Variants in ABCC4 observed in about 807,000 individuals in gnomAD.
ABCC4 encodes ATP binding cassette subfamily C member 4 (PEL blood group), also known as ATP-binding cassette sub-family C member 4.
Under a neutral mutation model 168.5 loss-of-function variants are expected in ABCC4, and 102 were observed. The ratio of observed to expected loss-of-function variants is 0.61; its 90% confidence interval spans 0.52 to 0.71. The LOEUF (loss-of-function observed/expected upper bound fraction) is 0.71, where lower values mean the gene tolerates loss of function less well. Among genes scored for constraint, ABCC4 ranks in the 30% least tolerant of loss-of-function variants. The pLI is 0.00. For synonymous variants in ABCC4, 617 were observed against 590.7 expected, an observed-to-expected ratio of 1.04 and a Z score of -0.65; for missense variants, 1,402 against 1,605.8, an observed-to-expected ratio of 0.87 and a Z score of 2.17.
chr13:95,023,436 G>A (rs935397543), intron 30 of ABCC4, among the ~76,000 whole-genome samples: 1 of 152,172 alleles, frequency 6.6e-6, no homozygotes. Flanking sequence ...GATGAAGGGA[G>A]TTGAGATTAC....
chr13:95,146,751 G>A (rs563781344), intron 19 of ABCC4, among the ~76,000 whole-genome samples: 13 of 152,260 alleles, frequency 8.5e-5, no homozygotes, highest in Middle Eastern at 6.8e-3. Context: ...ACAAGACAAC[G>A]GAAGTGACAG....
intron 19 of ABCC4, among the ~76,000 whole-genome samples, chr13:95,126,720 AATATATATATATAT>A (rs71111594): frequency 5.3e-4 from 43 of 81,654 alleles, no homozygotes; most frequent in African/African-American, 7.5e-4. Flanking sequence ...CTTTTTTTGG[AATATATATATATAT>A]ATATATATAT....
chr13:95,254,580 G>C (rs1048350595), intron 1 of ABCC4, among the ~76,000 whole-genome samples: 1 of 152,080 alleles, frequency 6.6e-6, no homozygotes, highest in African/African-American at 2.4e-5. Context: ...CTTTCCCCTT[G>C]CCCAGATTTT....
At chr13:95,179,710 A>G (rs2037827392) in intron 11 of ABCC4, among the ~76,000 whole-genome samples, 1 of 152,184 alleles carries the variant, frequency 6.6e-6, no homozygotes, top group African/African-American at 2.4e-5. Context: ...GCATCAACCT[A>G]GGACACTACA....
At chr13:95,270,503 G>T (rs548248816) in intron 1 of ABCC4, among the ~76,000 whole-genome samples, 9 of 152,218 alleles carry the variant, frequency 5.9e-5, no homozygotes, top group Admixed American at 3.3e-4. Context: ...CTGGCACAGG[G>T]TTTGACTTTA....
intron 20 of ABCC4, among the ~76,000 whole-genome samples, chr13:95,090,481 C>T (rs571443884): frequency 3.3e-5 from 5 of 152,220 alleles, no homozygotes; most frequent in South Asian, 2.1e-4. Flanking sequence ...CAGTGCCAAC[C>T]GGGAACCAGG....
At chr13:95,105,514 CCTTAA>C (rs2139384797) in intron 20 of ABCC4, among the ~76,000 whole-genome samples, 1 of 152,292 alleles carries the variant, frequency 6.6e-6, no homozygotes, top group Admixed American at 6.5e-5. Flanking sequence ...GAAGTTAATA[CCTTAA>C]CTTTCAGTTT....
chr13:95,093,970 C>T (rs756824362), intron 20 of ABCC4, among the ~76,000 whole-genome samples: 16 of 151,882 alleles, frequency 1.1e-4, no homozygotes, highest in Non-Finnish European at 1.9e-4. Flanking sequence ...TATACCTAAC[C>T]AAGGAATCAA....
chr13:95,157,032 C>T (rs2036883848), intron 19 of ABCC4, among the ~76,000 whole-genome samples: 1 of 151,522 alleles, frequency 6.6e-6, no homozygotes, highest in African/African-American at 2.4e-5. Context: ...CCGGAGGTTG[C>T]TGTGAGCTGA....
At chr13:95,270,318 A>C (rs1395920375) in intron 1 of ABCC4, among the ~76,000 whole-genome samples, 3 of 150,260 alleles carry the variant, frequency 2.0e-5, no homozygotes, top group Non-Finnish European at 3.0e-5. Context: ...AGAAAAGTAA[A>C]TATTCCACAT....
At chr13:95,187,461 C>T (rs1201498411) in intron 10 of ABCC4, among the ~76,000 whole-genome samples, 1 of 151,672 alleles carries the variant, frequency 6.6e-6, no homozygotes, top group African/African-American at 2.4e-5. Context: ...AAACATTAGC[C>T]GGGCATGGTG....
intron 13 of ABCC4, among the ~76,000 whole-genome samples, chr13:95,175,045 T>C (rs2037620488): frequency 6.6e-6 from 1 of 152,104 alleles, no homozygotes; most frequent in Admixed American, 6.6e-5. Flanking sequence ...CACTTCATCA[T>C]CCCATACCAG....
At chr13:95,124,643 G>A (rs1045324604) in intron 19 of ABCC4, among the ~76,000 whole-genome samples, 7 of 148,994 alleles carry the variant, frequency 4.7e-5, no homozygotes, top group African/African-American at 1.7e-4. Context: ...CAGAGGTGGG[G>A]GGATCACCTG....
At chr13:95,133,390 A>T (rs567956763) in intron 19 of ABCC4, among the ~76,000 whole-genome samples, 56 of 152,210 alleles carry the variant, frequency 3.7e-4, no homozygotes, top group African/African-American at 1.2e-3. Flanking sequence ...GTGGGATTAC[A>T]GGTATGAGCC....
At chr13:95,051,824 G>A (rs1026684784) in intron 27 of ABCC4, among the ~76,000 whole-genome samples, 14 of 144,900 alleles carry the variant, frequency 9.7e-5, no homozygotes, top group East Asian at 6.4e-4. Context: ...GCACCACCAC[G>A]TCTGGCTAAT....
chr13:95,267,078 T>G (rs1282676185), intron 1 of ABCC4, among the ~76,000 whole-genome samples: 1 of 151,998 alleles, frequency 6.6e-6, no homozygotes, highest in Non-Finnish European at 1.5e-5. Context: ...GGTTTCACCA[T>G]GTTATGTTGG....
chr13:95,097,312 A>G (rs1678353), intron 20 of ABCC4, among the ~76,000 whole-genome samples: 142,768 of 152,214 alleles, frequency 0.94, 67,072 homozygotes, highest in Non-Finnish European at 0.96. Context: ...AAAACCAACC[A>G]TATCTATAAT....
At chr13:95,115,291 C>T (rs574199362) in intron 20 of ABCC4, among the ~76,000 whole-genome samples, 1 of 147,828 alleles carries the variant, frequency 6.8e-6, no homozygotes, top group Admixed American at 6.7e-5. Flanking sequence ...TTTTTAAAGA[C>T]AGCTTAAGAC....
At chr13:95,203,669 T>C (rs1264969195) in intron 8 of ABCC4, among the ~76,000 whole-genome samples, 1 of 152,070 alleles carries the variant, frequency 6.6e-6, no homozygotes, top group Non-Finnish European at 1.5e-5. Flanking sequence ...GGAGGGTCTA[T>C]ATTTAATGTC....
Sources: gnomAD v4.1 joint callset for allele counts (sites outside exome capture counted in the v4.1 genomes callset) on GRCh38, gnomAD v4.1.1 for gene constraint, MANE v1.5 for transcripts, NCBI Gene and HGNC (gene_info 2026-07-23, HGNC 2026-07-21) for gene names.